The following TEAD1 variants were observed in gnomAD, a reference collection of about 807,000 sequenced individuals.
TEAD1 encodes the protein TEA domain transcription factor 1, also known as transcriptional enhancer factor TEF-1.
Under a neutral mutation model 54.9 loss-of-function variants are expected in TEAD1, and 9 were observed. The ratio of observed to expected loss-of-function variants is 0.16; its 90% CI spans 0.10 to 0.29. The LOEUF (loss-of-function observed/expected upper bound fraction) is 0.29, where lower values mean the gene tolerates loss of function less well. TEAD1 is among the 10% of genes least tolerant of loss of function. The pLI is 1.00. For missense variants in TEAD1, 387 were observed against 535.9 expected (o/e 0.72, Z 2.74); for synonymous variants, 200 against 187.8 (o/e 1.07, Z -0.53).
At chr11:12,816,921 C>T (rs1946427758) in intron 3 of TEAD1, among the ~76,000 whole-genome samples, 1 of 152,194 alleles carries the variant, frequency 6.6e-6, no homozygotes, top group Admixed American at 6.5e-5. Flanking sequence ...CTCTGGCCAT[C>T]AGGGCAGCAT....
At chr11:12,908,787 G>C (rs1948563400) in intron 10 of TEAD1, among the ~76,000 whole-genome samples, 1 of 151,796 alleles carries the variant, frequency 6.6e-6, no homozygotes, top group Admixed American at 6.6e-5. Flanking sequence ...ACATATTTAT[G>C]TAGTTTTGAT....
At chr11:12,800,561 G>A (rs73425603) in intron 3 of TEAD1, among the ~76,000 whole-genome samples, 5,269 of 152,264 alleles carry the variant, frequency 0.035, 331 homozygotes, top group African/African-American at 0.12. Flanking sequence ...ATCAATCAGG[G>A]AATTCTACTA....
chr11:12,827,865 G>A (rs1255205927), intron 3 of TEAD1, among the ~76,000 whole-genome samples: 1 of 152,186 alleles, frequency 6.6e-6, no homozygotes, highest in African/African-American at 2.4e-5. Context: ...TTCTTGTGTT[G>A]TGCCTGTTGT....
intron 2 of TEAD1, among the ~76,000 whole-genome samples, chr11:12,716,528 C>T (rs1437914997): frequency 5.3e-5 from 8 of 152,144 alleles, no homozygotes; most frequent in African/African-American, 1.9e-4. Flanking sequence ...CTGGCACTTG[C>T]TTCTTAGTCA....
intron 3 of TEAD1, among the ~76,000 whole-genome samples, chr11:12,770,082 A>G (rs992732534): frequency 2.0e-5 from 3 of 152,184 alleles, no homozygotes; most frequent in Non-Finnish European, 4.4e-5. Flanking sequence ...AGAGATAGAA[A>G]AGATTTCTGC....
intron 10 of TEAD1, among the ~76,000 whole-genome samples, chr11:12,923,520 G>A (rs1056974993): frequency 5.3e-5 from 8 of 152,114 alleles, no homozygotes; most frequent in African/African-American, 1.2e-4. Context: ...TTTTTTATCC[G>A]CAGCTCTGAG....
At chr11:12,890,621 A>G (rs527644358) in intron 9 of TEAD1, among the ~76,000 whole-genome samples, 66 of 152,312 alleles carry the variant, frequency 4.3e-4, no homozygotes, top group African/African-American at 1.6e-3. Flanking sequence ...GAACATACTG[A>G]GCACTCCACA....
intron 9 of TEAD1, among the ~76,000 whole-genome samples, chr11:12,891,831 T>A (rs140327279): frequency 6.6e-6 from 1 of 152,326 alleles, no homozygotes; most frequent in African/African-American, 2.4e-5. Context: ...CAGATGGACA[T>A]TTGATTTGGG....
chr11:12,770,729 G>A (rs1424073893), intron 3 of TEAD1, among the ~76,000 whole-genome samples: 1 of 152,150 alleles, frequency 6.6e-6, no homozygotes, highest in Non-Finnish European at 1.5e-5. Context: ...CAATACAAAT[G>A]ACTCCAATAT....
chr11:12,796,910 G>A (rs1338759781), intron 3 of TEAD1, among the ~76,000 whole-genome samples: 3 of 152,112 alleles, frequency 2.0e-5, no homozygotes, highest in Non-Finnish European at 4.4e-5. Context: ...AGGAGATCGA[G>A]AACATCCTGG....
chr11:12,799,371 AG>A (rs1321477213), intron 3 of TEAD1, among the ~76,000 whole-genome samples: 1 of 152,200 alleles, frequency 6.6e-6, no homozygotes, highest in Non-Finnish European at 1.5e-5. Flanking sequence ...GTAATTTTTC[AG>A]GTAACTAAAT....
chr11:12,840,995 G>A (rs913728735), intron 3 of TEAD1, among the ~76,000 whole-genome samples: 2 of 152,182 alleles, frequency 1.3e-5, no homozygotes, highest in African/African-American at 4.8e-5. Flanking sequence ...ATCAGTTGTA[G>A]CTGTCAGGAA....
intron 2 of TEAD1, among the ~76,000 whole-genome samples, chr11:12,738,348 G>A (rs1376278408): frequency 2.0e-5 from 3 of 152,152 alleles, no homozygotes; most frequent in African/African-American, 4.8e-5. Flanking sequence ...ATATTTAGCA[G>A]CCTTGAAGAA....
intron 2 of TEAD1, among the ~76,000 whole-genome samples, chr11:12,736,368 G>A (rs934638578): frequency 1.3e-5 from 2 of 152,114 alleles, no homozygotes; most frequent in Non-Finnish European, 2.9e-5. Context: ...CAGTAGTGGT[G>A]TATCTTAAGG....
At chr11:12,836,801 T>A (rs1180999293) in intron 3 of TEAD1, among the ~76,000 whole-genome samples, 1 of 152,200 alleles carries the variant, frequency 6.6e-6, no homozygotes, top group Non-Finnish European at 1.5e-5. Context: ...TTGGTAAACT[T>A]TCACTGCATC....
At position 12,678,335 on chromosome 11, in the gene TEAD1, T is replaced by C. The variant is rs1051994972; in HGVS notation, c.-55+2774T>C. 1.3e-4 allele frequency among the ~76,000 whole-genome samples: 20 copies of C among 151,930 alleles called. 2 individuals carry two copies. The highest frequency in any genetic ancestry group is 1.1e-3 in the Admixed American group (17 of 15,290). On this transcript the variant is annotated intron_variant, in intron 2 of 12. Coordinates refer to ENST00000527636, the MANE Select transcript of TEAD1 (RefSeq NM_021961.6). ...GCCAGAAAAATATATTGTAAGCTTATTCCCCTTTGACAAACCTAGGCTGTG... is the reference window on the plus strand; with the variant it reads ...GCCAGAAAAATATATTGTAAGCTTACTCCCCTTTGACAAACCTAGGCTGTG...
intron 10 of TEAD1, among the ~76,000 whole-genome samples, chr11:12,924,521 A>G (rs541318222): frequency 6.6e-6 from 1 of 152,312 alleles, no homozygotes; most frequent in East Asian, 1.9e-4. Context: ...TATATGACAA[A>G]TGGCTAGTCA....
chr11:12,692,701 AT>A (rs1372247613), intron 2 of TEAD1, among the ~76,000 whole-genome samples: 1 of 152,108 alleles, frequency 6.6e-6, no homozygotes, highest in South Asian at 2.1e-4. Flanking sequence ...CACAAAGGGA[AT>A]TTTCATTATG....
chr11:12,769,447 G>C (rs1945273361), intron 3 of TEAD1, among the ~76,000 whole-genome samples: 1 of 152,192 alleles, frequency 6.6e-6, no homozygotes, highest in Admixed American at 6.5e-5. Context: ...TGATTAGTCA[G>C]TACAGCAAAG....
Sources: gnomAD v4.1 joint callset for allele counts (sites outside exome capture counted in the v4.1 genomes callset) on GRCh38, gnomAD v4.1.1 for gene constraint, MANE v1.5 for transcripts, NCBI Gene and HGNC (gene_info 2026-07-23, HGNC 2026-07-21) for gene names.